SNTG2: variants seen among roughly 807,000 people sequenced by gnomAD.
The protein encoded by SNTG2 is gamma-2-syntrophin.
Under a neutral mutation model 70.9 loss-of-function variants are expected in SNTG2, and 74 were observed. That is an observed-to-expected ratio of 1.04 (90% CI 0.86 to 1.27). The LOEUF (loss-of-function observed/expected upper bound fraction) is 1.27. Ranked by LOEUF, SNTG2 falls within the 50% of genes most tolerant of loss-of-function variation. SNTG2 has a pLI of 0.00. For synonymous variants in SNTG2, 278 were observed against 273.8 expected (o/e 1.02, Z -0.15); for missense variants, 717 against 690.7 (o/e 1.04, Z -0.43).
rs554833721 is a variant in SNTG2 at position 1,076,973 on chromosome 2, G to A, written c.73-6545G>A. Among the ~76,000 whole-genome samples the A allele has an allele frequency of 1.5e-4, 23 of 152,166 alleles. No individual in the cohort carries two copies. In the South Asian group the frequency reaches 4.6e-3, roughly 30 times the overall value. On this transcript the variant is annotated intron_variant, in intron 1 of 16. Coordinates refer to ENST00000308624, the MANE Select transcript of SNTG2 (RefSeq NM_018968.4). ...GCTATATTTACATGTATGTACGTAC[G>A]TAATTCTTAATATATTAGTTTTTAT...
At chr2:1,012,248 G>T (rs895681444) in intron 1 of SNTG2, among the ~76,000 whole-genome samples, 1 of 152,216 alleles carries the variant, frequency 6.6e-6, no homozygotes, top group African/African-American at 2.4e-5. Context: ...CCAGGGACTT[G>T]CCATGGAGCT....
intron 4 of SNTG2, among the ~76,000 whole-genome samples, chr2:1,132,195 G>C (rs554541432): frequency 3.3e-5 from 5 of 151,550 alleles, no homozygotes; most frequent in Non-Finnish European, 7.4e-5. Context: ...ATATATATGT[G>C]TGTGTATATA....
At chr2:1,314,486 G>A (rs531232592) in intron 15 of SNTG2, among the ~76,000 whole-genome samples, 2 of 152,380 alleles carry the variant, frequency 1.3e-5, no homozygotes, top group South Asian at 4.1e-4. Flanking sequence ...CCGGAGGCAG[G>A]TGCAGTGGGT....
chr2:1,274,913 T>C (rs1679208661), intron 14 of SNTG2, among the ~76,000 whole-genome samples: 1 of 152,226 alleles, frequency 6.6e-6, no homozygotes, highest in South Asian at 2.1e-4. Flanking sequence ...ATTTAGCTCA[T>C]AGTTCTGCAG....
intron 9 of SNTG2, among the ~76,000 whole-genome samples, 190 bp downstream of exon 9, chr2:1,209,420 A>T (rs991398149): frequency 2.6e-5 from 4 of 152,242 alleles, no homozygotes; most frequent in African/African-American, 9.6e-5. Flanking sequence ...CAGGTATCAG[A>T]ACAGTGAATT....
At chr2:1,246,240 G>A (rs1296344222) in intron 11 of SNTG2, among the ~76,000 whole-genome samples, 2 of 152,222 alleles carry the variant, frequency 1.3e-5, no homozygotes, top group Non-Finnish European at 2.9e-5. Flanking sequence ...CTACAAGACA[G>A]TGCTCCTAAT....
intron 14 of SNTG2, among the ~76,000 whole-genome samples, chr2:1,306,824 CTG>C (rs1373487879): frequency 6.6e-6 from 1 of 150,984 alleles, no homozygotes; most frequent in Non-Finnish European, 1.5e-5. Flanking sequence ...GAGCAGTGCG[CTG>C]TGAGCCGCGC....
intron 12 of SNTG2, among the ~76,000 whole-genome samples, chr2:1,257,551 A>T (rs1678193613): frequency 6.6e-6 from 1 of 152,234 alleles, no homozygotes. Flanking sequence ...TGCTTCTGCG[A>T]ACAACAAAGA....
chr2:1,255,269 C>A (rs1426169110), intron 12 of SNTG2, among the ~76,000 whole-genome samples: 1 of 152,208 alleles, frequency 6.6e-6, no homozygotes, highest in African/African-American at 2.4e-5. Context: ...TTCCATCCCA[C>A]CCTCGGCCTT....
At chr2:1,052,981 G>A (rs77736578) in intron 1 of SNTG2, among the ~76,000 whole-genome samples, 29,913 of 152,260 alleles carry the variant, frequency 0.2, 3,365 homozygotes, top group Middle Eastern at 0.27. Context: ...TGAGTATGTT[G>A]CTAAACTTTT....
chr2:1,289,563 T>C (rs1462822914), intron 14 of SNTG2, among the ~76,000 whole-genome samples: 1 of 152,192 alleles, frequency 6.6e-6, no homozygotes. Flanking sequence ...CTCGTGCCTA[T>C]TTGCACAGAA....
intron 13 of SNTG2, among the ~76,000 whole-genome samples, chr2:1,260,807 T>C (rs1256388888): frequency 7.1e-6 from 1 of 140,898 alleles, no homozygotes; most frequent in Non-Finnish European, 1.6e-5. Flanking sequence ...ATTCTTGGCC[T>C]TTTTGTTTCC....
intron 1 of SNTG2, among the ~76,000 whole-genome samples, chr2:1,002,162 A>G (rs7603990): frequency 0.37 from 55,838 of 151,592 alleles, 10,730 homozygotes; most frequent in Middle Eastern, 0.53. Context: ...TAAAAAAACC[A>G]GAAGAAAATC....
intron 16 of SNTG2, among the ~76,000 whole-genome samples, chr2:1,348,619 T>G (rs898022842): frequency 6.6e-6 from 1 of 152,224 alleles, no homozygotes; most frequent in Non-Finnish European, 1.5e-5. Flanking sequence ...ACCAAACCAA[T>G]GTATTTCTTA....
chr2:1,157,559 A>T (rs1254555656), intron 6 of SNTG2, among the ~76,000 whole-genome samples: 2 of 152,218 alleles, frequency 1.3e-5, no homozygotes, highest in African/African-American at 2.4e-5. Context: ...TATAACAGAG[A>T]CTGGGTTTCA....
intron 1 of SNTG2, among the ~76,000 whole-genome samples, chr2:978,963 C>T (rs147671234): frequency 6.6e-6 from 1 of 152,328 alleles, no homozygotes; most frequent in African/African-American, 2.4e-5. Flanking sequence ...AAAATGAGCA[C>T]TTGGTGTGTT....
At chr2:1,095,614 G>T (rs1172866966) in intron 2 of SNTG2, among the ~76,000 whole-genome samples, 1 of 152,086 alleles carries the variant, frequency 6.6e-6, no homozygotes, top group Non-Finnish European at 1.5e-5. Flanking sequence ...ATATTTTAGG[G>T]TATTTCAGGA....
intron 1 of SNTG2, among the ~76,000 whole-genome samples, chr2:1,020,976 A>G (rs978396050): frequency 1.3e-5 from 2 of 152,186 alleles, no homozygotes; most frequent in Non-Finnish European, 2.9e-5. Context: ...TTTGTATTAC[A>G]TTTTTAATGA....
chr2:1,350,577 A>G lies in SNTG2; in HGVS notation c.1489-16766A>G, dbSNP rs570893997. ...GCTGTTTCTGCACATGTGCTTTGAA[A>G]TATAAGCACACTGTCATTTGCTGGC... On this transcript the variant is annotated intron_variant, in intron 16 of 16. Coordinates refer to ENST00000308624, the MANE Select transcript of SNTG2 (RefSeq NM_018968.4). 2.0e-5 allele frequency among the ~76,000 whole-genome samples: 3 copies of G among 152,322 alleles called. No individual in the cohort carries two copies. In the South Asian group the frequency reaches 6.2e-4, roughly 32 times the overall value.
Sources: gnomAD v4.1 joint callset for allele counts (sites outside exome capture counted in the v4.1 genomes callset) on GRCh38, gnomAD v4.1.1 for gene constraint, MANE v1.5 for transcripts, NCBI Gene and HGNC (gene_info 2026-07-23, HGNC 2026-07-21) for gene names.